The following RSPO2 variants were observed in gnomAD, a reference collection of about 807,000 sequenced individuals.
RSPO2 encodes R-spondin 2, also known as R-spondin-2.
Under a neutral mutation model 30.9 loss-of-function variants are expected in RSPO2, and 14 were observed. That is an observed-to-expected ratio of 0.45 (90% CI 0.30 to 0.71). The LOEUF is 0.71. RSPO2 is among the 30% of genes least tolerant of loss of function. The pLI is 0.08. For missense variants in RSPO2, 264 were observed against 301.9 expected (o/e 0.87, Z 0.93); for synonymous variants, 107 against 96.4 (o/e 1.11, Z -0.64).
intron 5 of RSPO2, among the ~76,000 whole-genome samples, chr8:107,908,287 C>T (rs1253758467): frequency 1.3e-5 from 2 of 152,134 alleles, no homozygotes; most frequent in Non-Finnish European, 2.9e-5. Context: ...GAGATTTGGG[C>T]TTGTTTCTTA....
At chr8:108,029,052 G>GTTTTTTTTTTT (rs1563570335) in intron 2 of RSPO2, among the ~76,000 whole-genome samples, 1 of 48,852 alleles carries the variant, frequency 2.0e-5, no homozygotes. Context: ...GTTAACATGA[G>GTTTTTTTTTTT]TCTTTTTTTT....
intron 2 of RSPO2, among the ~76,000 whole-genome samples, chr8:108,007,034 A>C (rs949446803): frequency 6.6e-6 from 1 of 152,204 alleles, no homozygotes; most frequent in Admixed American, 6.5e-5. Context: ...TCAGACATTT[A>C]ACATGGACTT....
intron 5 of RSPO2, among the ~76,000 whole-genome samples, chr8:107,941,102 T>A (rs1812882735): frequency 6.6e-6 from 1 of 152,124 alleles, no homozygotes; most frequent in Admixed American, 6.6e-5. Context: ...CAAAAAAATG[T>A]ATAGTTCACT....
At chr8:107,963,941 T>C (rs926660180) in intron 3 of RSPO2, among the ~76,000 whole-genome samples, 2 of 152,234 alleles carry the variant, frequency 1.3e-5, no homozygotes, top group Admixed American at 6.5e-5. Context: ...CACCTTCATT[T>C]AGCCATCTCC....
chr8:108,051,489 A>G (rs1463516622), intron 2 of RSPO2, among the ~76,000 whole-genome samples: 1 of 152,238 alleles, frequency 6.6e-6, no homozygotes, highest in Non-Finnish European at 1.5e-5. Context: ...AAGAAATGTT[A>G]AGAACACTAC....
At chr8:107,989,382 T>TC (rs1814772314) in intron 2 of RSPO2, 138 bp from the exon 3 acceptor site, 1 of 586,996 alleles carries the variant, frequency 1.7e-6, no homozygotes, top group South Asian at 2.8e-5. Flanking sequence ...TCCCTCCCCT[T>TC]CTTCCCTCTA....
At chr8:107,921,267 TAGC>T (rs772826012) in intron 5 of RSPO2, among the ~76,000 whole-genome samples, 29 of 122,556 alleles carry the variant, frequency 2.4e-4, no homozygotes, top group African/African-American at 8.3e-4. Context: ...TCGTTTTGAT[TAGC>T]AGATTTTACA....
intron 3 of RSPO2, among the ~76,000 whole-genome samples, chr8:107,961,023 G>A (rs1813610062): frequency 6.6e-6 from 1 of 152,106 alleles, no homozygotes; most frequent in Non-Finnish European, 1.5e-5. Context: ...AAGAATCCAA[G>A]AGAGAATGCC....
chr8:107,899,406 C>G lies in RSPO2; in HGVS notation c.*1669G>C, dbSNP rs1009432755. 6.6e-6 allele frequency: 1 copy of G among 152,406 alleles called. No individual in the cohort carries two copies. The highest frequency in any genetic ancestry group is 1.5e-5 in the Non-Finnish European group (1 of 67,962). 9.4% of individuals were successfully genotyped at this position (152,406 alleles called of 1,614,324 possible). A position where few individuals can be genotyped will look rare whatever the true frequency, so the allele number is the denominator to read the frequency against. ...GATGAAGCACTATATAAGGAGACCC[C>G]CTCCCCACTTAGTAAATGGGAAAAT... On this transcript the variant is annotated 3_prime_UTR_variant, in exon 6 of 6. Coordinates refer to ENST00000276659, the MANE Select transcript of RSPO2 (RefSeq NM_178565.5).
intron 2 of RSPO2, among the ~76,000 whole-genome samples, chr8:108,065,974 G>A (rs984928627): frequency 6.6e-6 from 1 of 152,146 alleles, no homozygotes; most frequent in Non-Finnish European, 1.5e-5. Context: ...GGAGGCAGAG[G>A]TTACAGTGAG....
At chr8:107,909,269 T>G (rs1022479405) in intron 5 of RSPO2, among the ~76,000 whole-genome samples, 45 of 150,092 alleles carry the variant, frequency 3.0e-4, no homozygotes, top group Non-Finnish European at 4.0e-4. Context: ...GTTTTTTTTT[T>G]TTTTTTTTTT....
chr8:108,038,960 A>G (rs1811676191), intron 2 of RSPO2, among the ~76,000 whole-genome samples: 1 of 152,172 alleles, frequency 6.6e-6, no homozygotes, highest in African/African-American at 2.4e-5. Context: ...TTATATTATC[A>G]GTACCTAGGA....
At chr8:107,961,489 G>C (rs1482237361) in intron 3 of RSPO2, among the ~76,000 whole-genome samples, 1 of 152,220 alleles carries the variant, frequency 6.6e-6, no homozygotes, top group Admixed American at 6.5e-5. Flanking sequence ...CAGCTGAATT[G>C]GTTCTGAAAG....
intron 3 of RSPO2, among the ~76,000 whole-genome samples, chr8:107,980,460 T>C (rs550593289): frequency 6.6e-6 from 1 of 152,328 alleles, no homozygotes; most frequent in East Asian, 1.9e-4. Context: ...TAAAGAATAT[T>C]ATAGGCTTCT....
intron 3 of RSPO2, among the ~76,000 whole-genome samples, chr8:107,979,741 A>G (rs931542943): frequency 3.0e-4 from 45 of 151,442 alleles, no homozygotes; most frequent in African/African-American, 8.2e-4. Context: ...CTTGTGTCCA[A>G]TGAACCACCT....
At chr8:108,027,808 C>T (rs1811272598) in intron 2 of RSPO2, among the ~76,000 whole-genome samples, 1 of 152,180 alleles carries the variant, frequency 6.6e-6, no homozygotes, top group Admixed American at 6.5e-5. Flanking sequence ...TTATATTAAA[C>T]AGTCCCCGAG....
At chr8:108,059,040 T>G (rs201393668) in intron 2 of RSPO2, among the ~76,000 whole-genome samples, 1 of 151,606 alleles carries the variant, frequency 6.6e-6, no homozygotes, top group Non-Finnish European at 1.5e-5. Flanking sequence ...GCAAAAGAAA[T>G]TACCATCAGA....
At chr8:107,943,933 G>A (rs116114610) in intron 5 of RSPO2, among the ~76,000 whole-genome samples, 469 of 152,272 alleles carry the variant, frequency 3.1e-3, no homozygotes, top group African/African-American at 0.011. Flanking sequence ...GGGAGAGGGG[G>A]ACGGGAGCTT....
chr8:107,928,799 C>T (rs776045412), intron 5 of RSPO2, among the ~76,000 whole-genome samples: 15 of 152,040 alleles, frequency 9.9e-5, no homozygotes, highest in African/African-American at 1.2e-4. Context: ...ATAAAGTTGG[C>T]GTTATGATTA....
Sources: allele counts gnomAD v4.1 joint callset (sites outside exome capture counted in the v4.1 genomes callset), GRCh38; gene constraint gnomAD v4.1.1; transcripts MANE v1.5; gene names NCBI Gene and HGNC (gene_info 2026-07-23, HGNC 2026-07-21).